Variants in CPSF3 observed in about 807,000 individuals in gnomAD.
CPSF3 encodes the protein cleavage and polyadenylation specific factor 3, also known as cleavage and polyadenylation specificity factor subunit 3.
CPSF3 carries 57 observed loss-of-function variants against 84.1 expected under a neutral mutation model. The observed-to-expected ratio is 0.68, with a 90% CI of 0.55 to 0.85. CPSF3 has a LOEUF of 0.85. CPSF3 is among the 40% of genes least tolerant of loss of function. The probability of loss-of-function intolerance (pLI) is 0.00; values close to 1 mark genes in which losing one functional copy is unlikely to be tolerated. For synonymous variants in CPSF3, 275 were observed against 278.1 expected (o/e 0.99, Z 0.11); for missense variants, 522 against 838.8 (o/e 0.62, Z 4.66).
intron 13 of CPSF3, among the ~76,000 whole-genome samples, chr2:9,456,150 A>G (rs986458856): frequency 1.3e-5 from 2 of 152,118 alleles, no homozygotes; most frequent in African/African-American, 2.4e-5. Flanking sequence ...TTCTGGTTCT[A>G]TTGATACCAG....
At chr2:9,466,099 G>A (rs1298059306) in intron 15 of CPSF3, among the ~76,000 whole-genome samples, 1 of 152,142 alleles carries the variant, frequency 6.6e-6, no homozygotes, top group Admixed American at 6.6e-5. Flanking sequence ...CCAGCACTTT[G>A]GGAGGCACAG....
chr2:9,461,970 C>T (rs377232244), intron 15 of CPSF3, among the ~76,000 whole-genome samples: 73 of 152,046 alleles, frequency 4.8e-4, no homozygotes, highest in South Asian at 2.7e-3. Context: ...CCATGTTGGT[C>T]GGGCTGGTCT....
At chr2:9,470,353 T>C (rs1174485119) in intron 16 of CPSF3, among the ~76,000 whole-genome samples, 3 of 152,228 alleles carry the variant, frequency 2.0e-5, no homozygotes, top group Non-Finnish European at 2.9e-5. Flanking sequence ...CTTCCCCCGC[T>C]TAATACAGTG....
Position 9,466,235 on chromosome 2 carries a change from T to C in CPSF3, c.1787-1472T>C, listed in dbSNP as rs1477811346. On this transcript the variant is annotated intron_variant, in intron 15 of 17. Transcript: ENST00000238112. ...GCACACACGCACGCACACACACACG[T>C]GCGCGCACGCACGCGCACACACGCA... is the stretch of plus-strand genomic sequence containing the variant. 1.4e-3 allele frequency among the ~76,000 whole-genome samples: 170 copies of C among 120,608 alleles called. 1 individual carries two copies. The highest frequency in any genetic ancestry group is 5.2e-3 in the African/African-American group (157 of 30,342). The allele number at this position is 120,608 out of a possible 152,430, so 79.1% of individuals were successfully genotyped here. A position where few individuals can be genotyped will look rare whatever the true frequency, so the allele number is the denominator to read the frequency against.
chr2:9,465,022 T>G (rs1478675843), intron 15 of CPSF3, among the ~76,000 whole-genome samples: 1 of 152,186 alleles, frequency 6.6e-6, no homozygotes, highest in African/African-American at 2.4e-5. Context: ...GTTAGTTGTA[T>G]ATACAATTGA....
intron 10 of CPSF3, among the ~76,000 whole-genome samples, chr2:9,446,799 G>A (rs1471414163): frequency 6.6e-6 from 1 of 151,822 alleles, no homozygotes; most frequent in African/African-American, 2.4e-5. Flanking sequence ...AGTTACAAAA[G>A]TGAATGGAAA....
At chr2:9,450,494 T>C (rs1187802893) in intron 11 of CPSF3, among the ~76,000 whole-genome samples, 1 of 151,940 alleles carries the variant, frequency 6.6e-6, no homozygotes, top group East Asian at 1.9e-4. Context: ...AAGGTTTAAG[T>C]ATCAACATAT....
chr2:9,457,521 G>A (rs1681573152), intron 14 of CPSF3, among the ~76,000 whole-genome samples: 1 of 152,082 alleles, frequency 6.6e-6, no homozygotes, highest in Admixed American at 6.6e-5. Flanking sequence ...AAGTGATATG[G>A]TTCCTATTAG....
At chr2:9,440,469 G>T (rs780524166) in intron 7 of CPSF3, 22 bp from the exon 8 acceptor site, 2 of 1,599,586 alleles carry the variant, frequency 1.3e-6, no homozygotes, top group East Asian at 4.5e-5. Context: ...AGTGATGTTT[G>T]TTTCTTGCAA....
At chr2:9,455,063 A>G (rs1269427286) in intron 12 of CPSF3, among the ~76,000 whole-genome samples, 1 of 151,914 alleles carries the variant, frequency 6.6e-6, no homozygotes, top group African/African-American at 2.4e-5. Flanking sequence ...TACCAAGGAA[A>G]GAAGGCAGAT....
chr2:9,432,552 T>C lies in CPSF3; in HGVS notation c.383T>C (p.Leu128Ser). 1 of 1,560,788 alleles carries C rather than the reference T, an allele frequency of 6.4e-7. No homozygotes were observed. The highest frequency in any genetic ancestry group is 8.8e-7 in the Non-Finnish European group (1 of 1,141,566). Residue 128 changes from leucine to serine, a missense_variant, in exon 5 of 18, where the codon TTG becomes TCG. This residue lies in a region of CPSF3 where 329 missense variants were observed against 607.2 expected (regional missense o/e 0.54). Coordinates refer to ENST00000238112, the MANE Select transcript of CPSF3 (RefSeq NM_016207.4). ...ADDMLYTETD[L>S]EESMDKIETI... ...GACATGCTGTATACCGAGACAGATT[T>C]GGAAGAAAGCATGGACAAAATTGAA...
chr2:9,468,198 C>T (rs1682040648), intron 16 of CPSF3, among the ~76,000 whole-genome samples: 1 of 152,140 alleles, frequency 6.6e-6, no homozygotes, highest in African/African-American at 2.4e-5. Context: ...GATGAATTAA[C>T]TTTAAACTAA....
intron 13 of CPSF3, among the ~76,000 whole-genome samples, chr2:9,455,976 A>C (rs1681511948): frequency 6.6e-6 from 1 of 152,176 alleles, no homozygotes; most frequent in South Asian, 2.1e-4. Context: ...AAACTTAAAA[A>C]AAATTAAAAA....
chr2:9,466,406 GCGCACACA>G lies in CPSF3; in HGVS notation c.1787-1293_1787-1286del, dbSNP rs1222024478. 1.6e-3 allele frequency among the ~76,000 whole-genome samples: 220 copies of G among 141,854 alleles called. 1 individual carries two copies. Among genetic ancestry groups the G allele is most frequent in the African/African-American group, 4.4e-3 (159 of 36,348 alleles). 93.1% of individuals were successfully genotyped at this position (141,854 alleles called of 152,430 possible). A position where few individuals can be genotyped will look rare whatever the true frequency, so the allele number is the denominator to read the frequency against. On this transcript the variant is annotated intron_variant, in intron 15 of 17. Coordinates refer to ENST00000238112, the MANE Select transcript of CPSF3 (RefSeq NM_016207.4). ...CGCACACACGCGCACACACACGCACGCGCACACACGCACACGCGCACACACGCGCACAC... is the reference window on the plus strand; with the variant it reads ...CGCACACACGCGCACACACACGCACGCGCACACGCGCACACACGCGCACAC...
At chr2:9,465,097 G>A (rs1223098336) in intron 15 of CPSF3, among the ~76,000 whole-genome samples, 1 of 152,192 alleles carries the variant, frequency 6.6e-6, no homozygotes, top group Admixed American at 6.5e-5. Flanking sequence ...TAGGAGAAAT[G>A]ACAAGTTGAG....
At chr2:9,457,148 TGTG>T in intron 14 of CPSF3, 121 bp downstream of exon 14, 1 of 77,622 alleles carries the variant, frequency 1.3e-5, no homozygotes. Flanking sequence ...GGAAAGTATA[TGTG>T]TGTGTGTGTG....
chr2:9,455,888 T>C, intron 13 of CPSF3, 131 bp downstream of exon 13: 2 of 611,770 alleles, frequency 3.3e-6, no homozygotes, highest in Non-Finnish European at 5.5e-6. Context: ...ATATGTGTGA[T>C]CATGTTATTA....
At position 9,423,896 on chromosome 2, in the gene CPSF3, C is replaced by T. The variant is rs1017645373; in HGVS notation, c.50+73C>T. 5.7e-6 allele frequency: 9 copies of T among 1,571,784 alleles called. No individual in the cohort carries two copies. In the African/African-American group the frequency reaches 6.8e-5, roughly 12 times the overall value. ...GCGAGGGGTAACCGGAGACTGGCCT[C>T]CTCCGTCGCCCGCGCTCCCACCTAC... On this transcript the variant is annotated intron_variant, in intron 1 of 17. Coordinates refer to ENST00000238112, the MANE Select transcript of CPSF3 (RefSeq NM_016207.4).
chr2:9,449,570 A>C (rs750114043), intron 11 of CPSF3, among the ~76,000 whole-genome samples: 1 of 152,102 alleles, frequency 6.6e-6, no homozygotes, highest in East Asian at 1.9e-4. Flanking sequence ...GGTGAAACCC[A>C]GTCTCTACGA....
Sources: allele counts gnomAD v4.1 joint callset (sites outside exome capture counted in the v4.1 genomes callset), GRCh38; gene constraint gnomAD v4.1.1; regional missense constraint gnomAD v4.1.1; transcripts MANE v1.5; gene names NCBI Gene and HGNC (gene_info 2026-07-23, HGNC 2026-07-21).